The following OGFOD1 variants were observed in gnomAD, a reference collection of about 807,000 sequenced individuals.
OGFOD1 encodes 2-oxoglutarate and iron dependent oxygenase domain containing 1, also known as prolyl 3-hydroxylase OGFOD1.
A neutral mutation model predicts 67.7 loss-of-function variants in OGFOD1; 54 were observed. The ratio of observed to expected loss-of-function variants is 0.80; its 90% CI spans 0.64 to 1.00. OGFOD1 has a LOEUF of 1.00. Among genes scored for constraint, OGFOD1 ranks in the 50% least tolerant of loss-of-function variants. The pLI, the probability that OGFOD1 is intolerant of heterozygous loss-of-function variation, is 0.00. For synonymous variants in OGFOD1, 221 were observed against 227.0 expected (o/e 0.97, Z 0.24); for missense variants, 606 against 646.7 (o/e 0.94, Z 0.68).
chr16:56,451,534 G>A (rs1228946658), upstream of OGFOD1: 2 of 1,496,272 alleles, frequency 1.3e-6, no homozygotes, highest in Non-Finnish European at 1.8e-6. Context: ...CACGATAAAG[G>A]GGACATGCCG....
chr16:56,465,003 C>CTTT (rs796682726), intron 4 of OGFOD1, among the ~76,000 whole-genome samples: 3 of 139,768 alleles, frequency 2.1e-5, no homozygotes, highest in Admixed American at 7.2e-5. Context: ...GAATGTATTT[C>CTTT]TTTTTTTTTT....
At chr16:56,462,872 A>G (rs1962760588) in intron 4 of OGFOD1, among the ~76,000 whole-genome samples, 1 of 152,224 alleles carries the variant, frequency 6.6e-6, no homozygotes, top group African/African-American at 2.4e-5. Context: ...AAATCCCCAT[A>G]ACATACATAC....
intron 10 of OGFOD1, among the ~76,000 whole-genome samples, chr16:56,474,390 G>T (rs909401609): frequency 6.9e-6 from 1 of 145,182 alleles, no homozygotes; most frequent in African/African-American, 2.6e-5. Flanking sequence ...GCACAATCTC[G>T]GCTTACCACA....
chr16:56,466,029 A>G, intron 4 of OGFOD1, 123 bp from the exon 5 acceptor site: 1 of 667,004 alleles, frequency 1.5e-6, no homozygotes, highest in East Asian at 2.6e-5. Context: ...TTAAAGCTGG[A>G]GGACATTTAA....
chr16:56,459,623 A>G (rs1015124963), intron 3 of OGFOD1, among the ~76,000 whole-genome samples: 1 of 152,188 alleles, frequency 6.6e-6, no homozygotes, highest in East Asian at 1.9e-4. Flanking sequence ...GTCTCACACA[A>G]TCACTTTTGT....
chr16:56,456,886 C>A (rs947017033), intron 2 of OGFOD1, among the ~76,000 whole-genome samples: 4 of 152,204 alleles, frequency 2.6e-5, no homozygotes, highest in Non-Finnish European at 5.9e-5. Flanking sequence ...CAATAAATTT[C>A]TCAGAGTGTA....
intron 2 of OGFOD1, among the ~76,000 whole-genome samples, chr16:56,457,609 CT>C (rs1338282572): frequency 7.1e-6 from 1 of 141,540 alleles, no homozygotes; most frequent in Admixed American, 7.0e-5. Flanking sequence ...CTTTTTTTTT[CT>C]TTTTTTTGCT....
chr16:56,475,968 C>G, intron 12 of OGFOD1, 76 bp from the exon 13 acceptor site: 1 of 1,292,388 alleles, frequency 7.7e-7, no homozygotes, highest in Non-Finnish European at 1.1e-6. Context: ...TGGAAACCAT[C>G]TGTTCCATGG....
intron 9 of OGFOD1, 113 bp from the exon 10 acceptor site, chr16:56,470,374 T>G (rs1025236735): frequency 5.2e-5 from 52 of 993,828 alleles, no homozygotes; most frequent in Middle Eastern, 6.6e-4. Context: ...TGTGCCTTAG[T>G]AAGCTGTGCC....
At chr16:56,459,254 C>T (rs1218284859) in intron 3 of OGFOD1, among the ~76,000 whole-genome samples, 1 of 151,718 alleles carries the variant, frequency 6.6e-6, no homozygotes. Flanking sequence ...GCAGGAGAAT[C>T]GCTTGAACCA....
rs180987262 is a variant in OGFOD1 at position 56,474,522 on chromosome 16, G to T, written c.1286-306G>T. On this transcript the variant is annotated intron_variant, in intron 10 of 12. Transcript: ENST00000566157. The stretch of plus-strand genomic sequence containing the variant: ...TGTAGTAGAGATGGGGTTTCTCCAT[G>T]TTGGTCAGGCTGGTCTTGAACTCCC... Among the ~76,000 whole-genome samples the T allele has an allele frequency of 5.9e-5, 9 of 151,414 alleles. No individual in the cohort carries two copies. In the East Asian group the frequency reaches 1.6e-3, roughly 26 times the overall value.
intron 2 of OGFOD1, among the ~76,000 whole-genome samples, chr16:56,457,627 A>G (rs554828666): frequency 2.2e-3 from 336 of 152,008 alleles, no homozygotes; most frequent in African/African-American, 8.1e-3. Flanking sequence ...TGCTTCAGAA[A>G]TCTTCTCATT....
rs763024479 is a variant in OGFOD1 at position 56,466,207 on chromosome 16, G to A, written c.504G>A (p.Leu168=). 6.2e-7 allele frequency: 1 copy of A among 1,614,028 alleles called. No homozygotes were observed. The highest frequency in any genetic ancestry group is 2.2e-5 in the East Asian group (1 of 44,888). The part of the protein sequence containing the change: ...ELEGRRIAFI[L]YLVPPWDRSM... ...AAGGGCGCCGGATTGCCTTCATCCT[G>A]TACCTGGTTCCTCCCTGGGACAGGA... The change falls in exon 5 of 13, where the codon CTG becomes CTA. Residue 168 remains leucine (L), a synonymous_variant. Transcript: ENST00000566157.
intron 3 of OGFOD1, 32 bp downstream of exon 3, chr16:56,458,626 AT>A (rs1962608645): frequency 3.2e-6 from 5 of 1,566,858 alleles, no homozygotes; most frequent in Non-Finnish European, 4.4e-6. Context: ...TTGGGTGCTA[AT>A]ATGTGCCAGG....
In OGFOD1 at chr16:56,467,900, G is replaced by A. The variant is rs1307372476; in HGVS notation, c.787-5G>A. ...CACATTTTGCATCTGCTGCCTCTTCGTAAGCATGAGATTTTGTATGATTGG... is the reference window on the plus strand; with the variant it reads ...CACATTTTGCATCTGCTGCCTCTTCATAAGCATGAGATTTTGTATGATTGG... On this transcript the variant is annotated splice_polypyrimidine_tract_variant and splice_region_variant and intron_variant, in intron 7 of 12. Transcript: ENST00000566157. 9 of 1,470,390 alleles carry A rather than the reference G, an allele frequency of 6.1e-6. No individual in the cohort carries two copies. Among genetic ancestry groups the A allele is most frequent in the South Asian group, 1.1e-5 (1 of 88,044 alleles). The allele number at this position is 1,470,390 out of a possible 1,614,324, so 91.1% of individuals were successfully genotyped here.
Position 56,467,151 on chromosome 16 carries a change from G to T in OGFOD1, c.658-14G>T, listed in dbSNP as rs760275163. ...ATTCTTCGTGTTGATGTGCTACTGG[G>T]CTTCTCCTTTCAGGTGTCTGAAGTG... On this transcript the variant is annotated splice_polypyrimidine_tract_variant and intron_variant, in intron 6 of 12. Transcript: ENST00000566157. 9 of 1,614,042 alleles carry T rather than the reference G, an allele frequency of 5.6e-6. No individual in the cohort carries two copies. The highest frequency in any genetic ancestry group is 7.6e-6 in the Non-Finnish European group (9 of 1,179,994).
intron 3 of OGFOD1, among the ~76,000 whole-genome samples, chr16:56,459,416 A>T (rs2143985374): frequency 6.6e-6 from 1 of 152,342 alleles, no homozygotes; most frequent in Admixed American, 6.5e-5. Context: ...ACTTATTGTA[A>T]TATTGTTTAT....
At chr16:56,454,753 T>C (rs763656235) in intron 2 of OGFOD1, 2 of 431,616 alleles carry the variant, frequency 4.6e-6, no homozygotes, top group Non-Finnish European at 9.2e-6. Flanking sequence ...CGAATTTCTC[T>C]CTCTTATTCT....
chr16:56,470,368 C>T, intron 9 of OGFOD1, 119 bp from the exon 10 acceptor site: 3 of 927,672 alleles, frequency 3.2e-6, no homozygotes, highest in Middle Eastern at 6.9e-4. Context: ...ATAACTTGTG[C>T]CTTAGTAAGC....
Sources: gnomAD v4.1 joint callset for allele counts (sites outside exome capture counted in the v4.1 genomes callset) on GRCh38, gnomAD v4.1.1 for gene constraint, MANE v1.5 for transcripts, NCBI Gene and HGNC (gene_info 2026-07-23, HGNC 2026-07-21) for gene names.